Variants in APBB2 observed in about 807,000 individuals in gnomAD.
APBB2 encodes the protein amyloid beta precursor protein binding family B member 2.
APBB2 carries 38 observed loss-of-function variants against 82.5 expected under a neutral mutation model. The observed-to-expected ratio is 0.46, with a 90% CI of 0.36 to 0.60. The LOEUF is 0.60. Among genes scored for constraint, APBB2 ranks in the 20% least tolerant of loss-of-function variants. APBB2 has a pLI of 0.00. For synonymous variants in APBB2, 341 were observed against 368.2 expected (o/e 0.93, Z 0.85); for missense variants, 772 against 972.3 (o/e 0.79, Z 2.74).
chr4:41,035,367 C>T (rs1456027383), intron 4 of APBB2, among the ~76,000 whole-genome samples: 4 of 152,126 alleles, frequency 2.6e-5, no homozygotes, highest in Non-Finnish European at 5.9e-5. Flanking sequence ...AGGCTCATTA[C>T]TCTGGTATAA....
intron 1 of APBB2, among the ~76,000 whole-genome samples, chr4:41,169,478 C>T (rs1026804270): frequency 6.6e-6 from 1 of 152,178 alleles, no homozygotes. Context: ...TTCTTTGTTC[C>T]ACCCATTTCA....
At chr4:41,156,859 A>T (rs1168130348) in intron 1 of APBB2, among the ~76,000 whole-genome samples, 1 of 152,118 alleles carries the variant, frequency 6.6e-6, no homozygotes, top group African/African-American at 2.4e-5. Flanking sequence ...TGAGGTTAGG[A>T]GTTCGAGACC....
chr4:41,013,934 G>A lies in APBB2; in HGVS notation c.484C>T (p.Leu162=). The A allele has an allele frequency of 1.2e-6, 2 of 1,614,132 alleles. No homozygotes were observed. The highest frequency in any genetic ancestry group is 1.7e-6 in the Non-Finnish European group (2 of 1,180,032). ...PSQPRRTKSF[L]NYYADLETSA... ...GTTTCCAGATCTGCATAGTAATTTA[G>A]GAAGCTCTTAGTTCTCCTGGGCTGG... Residue 162 remains leucine, a synonymous_variant, in exon 6 of 18, where the codon CTA becomes TTA. Coordinates refer to ENST00000508593, the MANE Select transcript of APBB2 (RefSeq NM_004307.2).
chr4:41,004,836 C>CAAAAAAA (rs34941899), intron 6 of APBB2, among the ~76,000 whole-genome samples: 13 of 49,246 alleles, frequency 2.6e-4, no homozygotes, highest in Non-Finnish European at 3.1e-4. Flanking sequence ...GACCCCATCT[C>CAAAAAAA]AAAAAAAAAA....
intron 2 of APBB2, among the ~76,000 whole-genome samples, chr4:41,140,505 C>T (rs1216927755): frequency 6.6e-6 from 1 of 152,166 alleles, no homozygotes; most frequent in Non-Finnish European, 1.5e-5. Context: ...TCTCTGTTCC[C>T]ACAAAACTTT....
chr4:40,843,940 T>C (rs969508581), intron 12 of APBB2, among the ~76,000 whole-genome samples: 30 of 152,202 alleles, frequency 2.0e-4, no homozygotes, highest in Admixed American at 2.0e-3. Context: ...ACTCCACCCT[T>C]CTACACAGTC....
intron 6 of APBB2, among the ~76,000 whole-genome samples, chr4:40,982,227 AAAGAAAGAAAGAAAGAAAG>A (rs1798737673): frequency 7.6e-4 from 3 of 3,934 alleles, no homozygotes; most frequent in Admixed American, 3.0e-3. Flanking sequence ...GAAAGGAAAG[AAAGAAAGAAAGAAAGAAAG>A]AAAGAAAGAA....
At chr4:40,862,731 C>T (rs902941032) in intron 12 of APBB2, among the ~76,000 whole-genome samples, 37 of 152,172 alleles carry the variant, frequency 2.4e-4, no homozygotes, top group African/African-American at 8.9e-4. Flanking sequence ...TGGTGGCAGG[C>T]ACCTACAATC....
intron 1 of APBB2, among the ~76,000 whole-genome samples, chr4:41,213,324 TAAAC>T (rs1311463072): frequency 2.6e-5 from 4 of 152,058 alleles, no homozygotes; most frequent in African/African-American, 9.7e-5. Context: ...CTGAGGGACT[TAAAC>T]AAACTGTCCC....
intron 6 of APBB2, among the ~76,000 whole-genome samples, chr4:40,993,795 G>A (rs1210411512): frequency 3.9e-5 from 6 of 152,100 alleles, no homozygotes; most frequent in Non-Finnish European, 8.8e-5. Flanking sequence ...ATGTTAGCCA[G>A]ATCAGTATCC....
chr4:40,965,226 T>C (rs556600260), intron 6 of APBB2, among the ~76,000 whole-genome samples: 15 of 152,226 alleles, frequency 9.9e-5, no homozygotes, highest in African/African-American at 3.1e-4. Flanking sequence ...ATAAGAGGGA[T>C]GCTTTGCATG....
chr4:41,091,202 C>T (rs1179235042), intron 3 of APBB2, among the ~76,000 whole-genome samples: 1 of 152,070 alleles, frequency 6.6e-6, no homozygotes, highest in Non-Finnish European at 1.5e-5. Flanking sequence ...CTATCTTCTC[C>T]GGAAAAAGGG....
At chr4:40,952,093 G>A (rs1373188680) in intron 6 of APBB2, among the ~76,000 whole-genome samples, 2 of 151,196 alleles carry the variant, frequency 1.3e-5, no homozygotes, top group Non-Finnish European at 2.9e-5. Flanking sequence ...GGCTGAGGCA[G>A]GAGAATCACT....
At chr4:40,893,999 AT>A (rs1448347735) in intron 10 of APBB2, among the ~76,000 whole-genome samples, 1 of 146,752 alleles carries the variant, frequency 6.8e-6, no homozygotes, top group African/African-American at 2.6e-5. Flanking sequence ...AAAAGAATAG[AT>A]TATGAGGGCC....
chr4:40,856,332 TC>T (rs1176219220), intron 12 of APBB2, among the ~76,000 whole-genome samples: 3 of 152,132 alleles, frequency 2.0e-5, no homozygotes, highest in Non-Finnish European at 4.4e-5. Flanking sequence ...AGGCACAGAT[TC>T]CCCCACAAGC....
chr4:40,985,828 T>C (rs990326203), intron 6 of APBB2, among the ~76,000 whole-genome samples: 3 of 152,162 alleles, frequency 2.0e-5, no homozygotes, highest in African/African-American at 7.2e-5. Flanking sequence ...AAGATGAGTA[T>C]CAGTAATTTC....
Position 41,127,538 on chromosome 4 carries a change from C to T in APBB2, c.-261+15449G>A, listed in dbSNP as rs754120507. 6.6e-6 allele frequency among the ~76,000 whole-genome samples: 1 copy of T among 152,074 alleles called. No homozygotes were observed. Among genetic ancestry groups the T allele is most frequent in the African/African-American group, 2.4e-5 (1 of 41,420 alleles). ...TGGGTTCAGCAAATGATAACACTAT[C>T]GGAGATTAAGATTTCTATTCAAAGC... On this transcript the variant is annotated intron_variant, in intron 2 of 17. Transcript: ENST00000508593. The surrounding 1 kb of genome is among the most constrained non-coding windows in gnomAD (Gnocchi z 4.8).
intron 12 of APBB2, among the ~76,000 whole-genome samples, chr4:40,870,967 C>T (rs575957635): frequency 6.6e-6 from 1 of 151,304 alleles, no homozygotes; most frequent in Non-Finnish European, 1.5e-5. Context: ...TCCCAAAGTG[C>T]CGGGATTACA....
rs112439612 is a variant in APBB2, at chr4:41,165,872, C to T, written c.-416-22730G>A. Among the ~76,000 whole-genome samples the T allele has an allele frequency of 3.0e-3, 345 of 116,438 alleles. 6 individuals carry two copies. Among genetic ancestry groups the T allele is most frequent in the African/African-American group, 0.012 (239 of 20,754 alleles). 76.4% of individuals were successfully genotyped at this position (116,438 alleles called of 152,430 possible). A position where few individuals can be genotyped will look rare whatever the true frequency, so the allele number is the denominator to read the frequency against. On this transcript the variant is annotated intron_variant, in intron 1 of 17. Coordinates refer to ENST00000508593, the MANE Select transcript of APBB2 (RefSeq NM_004307.2). ...CATTCATGCCAGCATGTCAGGCCCC[C>T]TTTTTTTTTTTTTTTTTTTGAGACG...
Sources: allele counts gnomAD v4.1 joint callset (sites outside exome capture counted in the v4.1 genomes callset), GRCh38; gene constraint gnomAD v4.1.1; non-coding constraint Gnocchi (gnomAD v3.1); transcripts MANE v1.5; gene names NCBI Gene and HGNC (gene_info 2026-07-23, HGNC 2026-07-21).